Variants in GLIS3 observed in about 807,000 individuals in gnomAD.
The protein encoded by GLIS3 is zinc finger protein GLIS3.
A neutral mutation model predicts 78.6 loss-of-function variants in GLIS3; 53 were observed. The observed-to-expected ratio is 0.67, with a 90% CI of 0.54 to 0.85. GLIS3 has a LOEUF of 0.85. Ranked by LOEUF, GLIS3 falls within the 40% of genes least tolerant of loss-of-function variation. GLIS3 has a pLI of 0.00. For missense variants in GLIS3, 1,703 were observed against 1,231.1 expected, an observed-to-expected ratio of 1.38 and a Z score of -5.74; for synonymous variants, 684 against 509.9, an observed-to-expected ratio of 1.34 and a Z score of -4.60.
At chr9:4,235,698 G>A (rs1255965314) in intron 2 of GLIS3, among the ~76,000 whole-genome samples, 1 of 151,652 alleles carries the variant, frequency 6.6e-6, no homozygotes, top group Non-Finnish European at 1.5e-5. Flanking sequence ...TCGGGGCACT[G>A]AAGTATTCCC....
At chr9:4,044,896 C>T (rs1451736937) in intron 4 of GLIS3, among the ~76,000 whole-genome samples, 1 of 152,176 alleles carries the variant, frequency 6.6e-6, no homozygotes, top group Non-Finnish European at 1.5e-5. Flanking sequence ...AAGAAACAGA[C>T]TACAGAATGC....
chr9:4,356,531 T>A, the GLIS3 span, among the ~76,000 whole-genome samples: 2 of 152,208 alleles, frequency 1.3e-5, no homozygotes, highest in Non-Finnish European at 2.9e-5. Flanking sequence ...GGGAGGAAAT[T>A]GAAGGCTTTG....
chr9:4,120,717 C>T (rs949772302), intron 3 of GLIS3, among the ~76,000 whole-genome samples: 5 of 152,178 alleles, frequency 3.3e-5, no homozygotes, highest in Admixed American at 1.3e-4. Flanking sequence ...CATAAAGAAC[C>T]AGAGCTTTGG....
intron 7 of GLIS3, among the ~76,000 whole-genome samples, chr9:3,882,517 G>C (rs1161848532): frequency 6.6e-6 from 1 of 152,080 alleles, no homozygotes; most frequent in African/African-American, 2.4e-5. Flanking sequence ...CTAGAAACAG[G>C]TGGTGAAGGG....
chr9:4,193,587 A>G (rs1818525914), intron 2 of GLIS3, among the ~76,000 whole-genome samples: 1 of 152,230 alleles, frequency 6.6e-6, no homozygotes, highest in Non-Finnish European at 1.5e-5. Flanking sequence ...AGGGCAGGGC[A>G]GTTTCAATAA....
At chr9:4,123,609 A>G in intron 3 of GLIS3, 1 of 369,058 alleles carries the variant, frequency 2.7e-6, no homozygotes, top group East Asian at 3.9e-5. Context: ...CCATTATATG[A>G]TGTTGAAAGA....
intron 2 of GLIS3, among the ~76,000 whole-genome samples, chr9:4,213,632 C>G (rs1475870180): frequency 3.3e-5 from 5 of 152,290 alleles, no homozygotes; most frequent in South Asian, 4.1e-4. Flanking sequence ...GAACAGCACA[C>G]TAGACATTAC....
the GLIS3 span, among the ~76,000 whole-genome samples, chr9:4,471,929 A>G: frequency 6.6e-6 from 1 of 152,252 alleles, no homozygotes; most frequent in African/African-American, 2.4e-5. Flanking sequence ...AAACAACCCC[A>G]TCAAAAAGTG....
chr9:4,480,660 G>A, the GLIS3 span, among the ~76,000 whole-genome samples: 1 of 151,828 alleles, frequency 6.6e-6, no homozygotes, highest in African/African-American at 2.4e-5. Context: ...GCATACGAAC[G>A]CCTTGGCCTA....
At chr9:4,199,031 C>T (rs1054480727) in intron 2 of GLIS3, among the ~76,000 whole-genome samples, 1 of 152,230 alleles carries the variant, frequency 6.6e-6, no homozygotes, top group East Asian at 1.9e-4. Flanking sequence ...TTCACCACCA[C>T]TGGACCAATC....
rs80130680 is a variant in GLIS3 at position 3,936,783 on chromosome 9, G to A, written c.1872+245C>T. 1.7e-4 allele frequency among the ~76,000 whole-genome samples: 26 copies of A among 152,190 alleles called. No individual in the cohort carries two copies. In the East Asian group the frequency reaches 2.9e-3, roughly 17 times the overall value. The stretch of plus-strand genomic sequence containing the variant: ...AAACTGCTTTTGCTTTGTACACAGC[G>A]GTGACCAAGTAACCCTTCTGTCCCA... On this transcript the variant is annotated intron_variant, in intron 5 of 10. Coordinates refer to ENST00000381971, the MANE Select transcript of GLIS3 (RefSeq NM_001042413.2).
intron 2 of GLIS3, among the ~76,000 whole-genome samples, chr9:4,343,175 C>CA (rs34263708): frequency 0.7 from 106,497 of 151,336 alleles, 38,018 homozygotes; most frequent in African/African-American, 0.82. Context: ...CTCATCTCTT[C>CA]AAAAAAAAAT....
At chr9:4,322,252 C>A (rs557851030) in intron 2 of GLIS3, among the ~76,000 whole-genome samples, 1 of 152,208 alleles carries the variant, frequency 6.6e-6, no homozygotes, top group South Asian at 2.1e-4. Flanking sequence ...TGTATATGTG[C>A]CACATTTTCT....
intron 2 of GLIS3, among the ~76,000 whole-genome samples, chr9:4,194,633 C>A (rs191425979): frequency 6.6e-6 from 1 of 152,144 alleles, no homozygotes; most frequent in Admixed American, 6.5e-5. Context: ...ATTATAGACA[C>A]CCCAAATCCA....
the GLIS3 span, among the ~76,000 whole-genome samples, chr9:4,448,708 G>A: frequency 3.5e-4 from 53 of 152,336 alleles, no homozygotes; most frequent in African/African-American, 1.3e-3. Flanking sequence ...AAGAGCCTGT[G>A]TGAAAATCAT....
chr9:4,300,335 G>C (rs1318427482), upstream of GLIS3, among the ~76,000 whole-genome samples: 1 of 4,366 alleles, frequency 2.3e-4, no homozygotes, highest in East Asian at 0.25. Flanking sequence ...TTGTTAAACT[G>C]ACTTATTTTA....
rs912181179 is a variant in GLIS3 at position 4,248,672 on chromosome 9, T to TC, written c.388+37365dup. ...TCCTTGAGGAATCGCCACACTGTCT[T>TC]CCACATGGTTGAACTAATTTACACT... On this transcript the variant is annotated intron_variant, in intron 2 of 10. Coordinates refer to ENST00000381971, the MANE Select transcript of GLIS3 (RefSeq NM_001042413.2). 2.7e-4 allele frequency among the ~76,000 whole-genome samples: 41 copies of TC among 152,302 alleles called. 1 individual carries two copies. Among genetic ancestry groups the TC allele is most frequent in the African/African-American group, 8.7e-4 (36 of 41,566 alleles).
intron 2 of GLIS3, among the ~76,000 whole-genome samples, chr9:4,196,710 C>T (rs1050528523): frequency 2.0e-5 from 3 of 152,194 alleles, no homozygotes; most frequent in Non-Finnish European, 4.4e-5. Context: ...ACTCCAGACA[C>T]GCCATTTTTA....
At chr9:4,040,327 T>C (rs10814819) in intron 4 of GLIS3, among the ~76,000 whole-genome samples, 28,836 of 149,368 alleles carry the variant, frequency 0.19, 3,636 homozygotes, top group East Asian at 0.56. Context: ...ATTGAATATA[T>C]AGTCCCCTAG....
Sources: gnomAD v4.1 joint callset for allele counts (sites outside exome capture counted in the v4.1 genomes callset) on GRCh38, gnomAD v4.1.1 for gene constraint, MANE v1.5 for transcripts, NCBI Gene and HGNC (gene_info 2026-07-23, HGNC 2026-07-21) for gene names.